Variants in RABGAP1L observed in about 807,000 individuals in gnomAD.
RABGAP1L encodes rab GTPase-activating protein 1-like.
A neutral mutation model predicts 137.7 loss-of-function variants in RABGAP1L; 63 were observed. The ratio of observed to expected loss-of-function variants is 0.46; its 90% CI spans 0.37 to 0.56. The LOEUF is 0.56. Ranked by LOEUF, RABGAP1L falls within the 20% of genes least tolerant of loss-of-function variation. The probability of loss-of-function intolerance (pLI) is 0.00; values close to 1 mark genes in which losing one functional copy is unlikely to be tolerated. For missense variants in RABGAP1L, 1,095 were observed against 1,244.0 expected (o/e 0.88, Z 1.80); for synonymous variants, 431 against 433.7 (o/e 0.99, Z 0.08).
intron 7 of RABGAP1L, among the ~76,000 whole-genome samples, chr1:174,254,455 A>G (rs1013085452): frequency 3.9e-5 from 6 of 152,118 alleles, no homozygotes; most frequent in African/African-American, 1.4e-4. Context: ...CCACACATGC[A>G]TTACCTATTT....
rs1473803940 is a variant in RABGAP1L at position 174,219,234 on chromosome 1, T to C, written c.77T>C (p.Val26Ala). ...GCTACAATGAACAGTGAAGAATTTG[T>C]TTTGGTTCCTCAGTATGCAGATGAT... ...SVATMNSEEFVLVPQYADDNS... is the reference protein window; with the variant it reads ...SVATMNSEEFALVPQYADDNS... The change falls in exon 2 of 26, where the codon GTT becomes GCT. Residue 26 changes from valine (V) to alanine (A), a missense_variant. Transcript: ENST00000681986. The C allele has an allele frequency of 1.9e-6, 3 of 1,604,386 alleles. No individual in the cohort carries two copies. Among genetic ancestry groups the C allele is most frequent in the Non-Finnish European group, 2.6e-6 (3 of 1,173,922 alleles).
chr1:174,390,589 A>G (rs925698562), intron 12 of RABGAP1L, among the ~76,000 whole-genome samples: 3 of 152,150 alleles, frequency 2.0e-5, no homozygotes, highest in East Asian at 1.9e-4. Context: ...TCTGCCTACA[A>G]TGTTGGAAAT....
intron 3 of RABGAP1L, among the ~76,000 whole-genome samples, chr1:174,230,386 T>C (rs555485560): frequency 1.3e-5 from 2 of 152,118 alleles, no homozygotes; most frequent in South Asian, 4.2e-4. Context: ...ACCCTAAAAC[T>C]TAAAGTATAG....
Position 174,839,631 on chromosome 1 carries a change from C to T in RABGAP1L, c.2340+27671C>T, listed in dbSNP as rs561066873. ...GCACATGTTGGCATTGAGGAGACTA[C>T]GTGGAAATGTGCATTTAGCAAAATA... On this transcript the variant is annotated intron_variant, in intron 19 of 25. Coordinates refer to ENST00000681986, the MANE Select transcript of RABGAP1L (RefSeq NM_001366446.1). Among the ~76,000 whole-genome samples, 12 of 152,262 alleles carry T rather than the reference C, an allele frequency of 7.9e-5. No individual in the cohort carries two copies. In the South Asian group the frequency reaches 2.1e-3, roughly 26 times the overall value.
At chr1:174,649,590 C>T (rs1309566352) in intron 14 of RABGAP1L, among the ~76,000 whole-genome samples, 1 of 152,068 alleles carries the variant, frequency 6.6e-6, no homozygotes, top group South Asian at 2.1e-4. Context: ...GATGTGCTTC[C>T]CTTTGTGGGT....
chr1:174,795,795 T>C (rs1688199755), intron 18 of RABGAP1L, among the ~76,000 whole-genome samples: 1 of 152,196 alleles, frequency 6.6e-6, no homozygotes, highest in Admixed American at 6.5e-5. Context: ...AGGCTGGTCT[T>C]GAACTCCTGG....
chr1:174,744,279 A>C (rs1256060732), intron 17 of RABGAP1L, among the ~76,000 whole-genome samples: 1 of 152,104 alleles, frequency 6.6e-6, no homozygotes, highest in Non-Finnish European at 1.5e-5. Context: ...ATAAAGTAAA[A>C]GAATTTTTGG....
At chr1:174,722,754 A>T in intron 17 of RABGAP1L, among the ~76,000 whole-genome samples, 1 of 151,930 alleles carries the variant, frequency 6.6e-6, no homozygotes. Flanking sequence ...CCTGGCCTTT[A>T]TCTCAAGCTT....
chr1:174,619,434 A>G (rs1319804024), intron 13 of RABGAP1L, among the ~76,000 whole-genome samples: 2 of 152,238 alleles, frequency 1.3e-5, no homozygotes, highest in East Asian at 1.9e-4. Context: ...GACTAACAGC[A>G]GATCTCTCGG....
intron 11 of RABGAP1L, among the ~76,000 whole-genome samples, chr1:174,329,165 A>G (rs1027381716): frequency 1.3e-5 from 2 of 152,156 alleles, no homozygotes; most frequent in African/African-American, 4.8e-5. Context: ...ATTACAACTG[A>G]TACCCTAGAA....
intron 19 of RABGAP1L, among the ~76,000 whole-genome samples, chr1:174,936,584 A>C (rs1457377598): frequency 6.6e-6 from 1 of 152,176 alleles, no homozygotes; most frequent in East Asian, 1.9e-4. Context: ...GCAACAGAGC[A>C]AGACCCTTTC....
intron 1 of RABGAP1L, among the ~76,000 whole-genome samples, chr1:174,194,567 G>A (rs1667438136): frequency 6.6e-6 from 1 of 152,134 alleles, no homozygotes; most frequent in African/African-American, 2.4e-5. Flanking sequence ...GGGACTGTCA[G>A]TAGGATTTTA....
chr1:174,953,394 T>G (rs1482904468), intron 19 of RABGAP1L, among the ~76,000 whole-genome samples: 1 of 152,222 alleles, frequency 6.6e-6, no homozygotes. Flanking sequence ...GAGTAATTAT[T>G]GTGCTCTGTC....
chr1:174,715,126 G>A (rs564898198), intron 17 of RABGAP1L, among the ~76,000 whole-genome samples: 85 of 152,252 alleles, frequency 5.6e-4, no homozygotes, highest in South Asian at 5.0e-3. Context: ...AGTAAAAGCA[G>A]TGTGCAATTT....
chr1:174,272,404 A>G lies in RABGAP1L; in HGVS notation c.987-10A>G, dbSNP rs1674632657. On this transcript the variant is annotated splice_polypyrimidine_tract_variant and intron_variant, in intron 7 of 25. Transcript: ENST00000681986. Reference sequence around the variant, plus strand: ...CCTTATTTCTCCTTTTTTTCCCCCAATATTTTCAGATGTTTTGGAATGTTA... The same window carrying G: ...CCTTATTTCTCCTTTTTTTCCCCCAGTATTTTCAGATGTTTTGGAATGTTA... 1 of 1,598,386 alleles carries G rather than the reference A, an allele frequency of 6.3e-7. No individual in the cohort carries two copies. Among genetic ancestry groups the G allele is most frequent in the South Asian group, 1.1e-5 (1 of 87,552 alleles).
At chr1:174,925,986 C>G (rs554915447) in intron 19 of RABGAP1L, among the ~76,000 whole-genome samples, 1 of 149,466 alleles carries the variant, frequency 6.7e-6, no homozygotes, top group African/African-American at 2.4e-5. Context: ...GCCTCAGCCT[C>G]CCAAGTAGCT....
intron 20 of RABGAP1L, among the ~76,000 whole-genome samples, chr1:174,962,846 C>T (rs1669282971): frequency 6.6e-6 from 1 of 152,048 alleles, no homozygotes; most frequent in Admixed American, 6.5e-5. Context: ...ACCTGTAATC[C>T]CAGCACTTTG....
intron 12 of RABGAP1L, among the ~76,000 whole-genome samples, chr1:174,385,998 TAGAA>T (rs1252428890): frequency 6.6e-6 from 1 of 150,722 alleles, no homozygotes; most frequent in Non-Finnish European, 1.5e-5. Flanking sequence ...TGTATGTTGT[TAGAA>T]AGGATGTAAC....
At chr1:174,591,548 C>G (rs1446704742) in intron 13 of RABGAP1L, among the ~76,000 whole-genome samples, 1 of 36,260 alleles carries the variant, frequency 2.8e-5, no homozygotes. Context: ...AGGAAGGGAT[C>G]CAGTTTCATC....
Sources: allele counts gnomAD v4.1 joint callset (sites outside exome capture counted in the v4.1 genomes callset), GRCh38; gene constraint gnomAD v4.1.1; transcripts MANE v1.5; gene names NCBI Gene and HGNC (gene_info 2026-07-23, HGNC 2026-07-21).